The following GLIS3 variants were observed in gnomAD, a reference collection of about 807,000 sequenced individuals.
GLIS3 encodes GLIS family zinc finger 3, also known as zinc finger protein GLIS3.
GLIS3 carries 53 observed loss-of-function variants against 78.6 expected under a neutral mutation model. The ratio of observed to expected loss-of-function variants is 0.67; its 90% CI spans 0.54 to 0.85. The LOEUF (loss-of-function observed/expected upper bound fraction) is 0.85. Ranked by LOEUF, GLIS3 falls within the 40% of genes least tolerant of loss-of-function variation. GLIS3 has a pLI of 0.00. For synonymous variants in GLIS3, 684 were observed against 509.9 expected, an observed-to-expected ratio of 1.34 and a Z score of -4.60; for missense variants, 1,703 against 1,231.1, an observed-to-expected ratio of 1.38 and a Z score of -5.74.
At chr9:4,211,898 C>G (rs956557092) in intron 2 of GLIS3, among the ~76,000 whole-genome samples, 1 of 152,190 alleles carries the variant, frequency 6.6e-6, no homozygotes, top group African/African-American at 2.4e-5. Flanking sequence ...AAACATTTTT[C>G]TAAGTGAAAG....
At chr9:4,377,429 G>A in the GLIS3 span, among the ~76,000 whole-genome samples, 4 of 135,554 alleles carry the variant, frequency 3.0e-5, 1 homozygote, top group Admixed American at 3.0e-4. Context: ...GGGGCTCTCA[G>A]GCCTTTGGCC....
At chr9:3,883,520 C>T (rs1821874200) in intron 7 of GLIS3, among the ~76,000 whole-genome samples, 1 of 152,186 alleles carries the variant, frequency 6.6e-6, no homozygotes, top group African/African-American at 2.4e-5. Context: ...AACTTCCTTT[C>T]ATACACATTC....
At chr9:4,424,676 G>A in the GLIS3 span, among the ~76,000 whole-genome samples, 30 of 152,200 alleles carry the variant, frequency 2.0e-4, no homozygotes, top group South Asian at 1.0e-3. Context: ...GGATCCTCCC[G>A]CCTCAGCCTC....
At chr9:3,862,191 C>T (rs1285248658) in intron 8 of GLIS3, among the ~76,000 whole-genome samples, 1 of 152,074 alleles carries the variant, frequency 6.6e-6, no homozygotes, top group African/African-American at 2.4e-5. Context: ...TGCTTAAAGT[C>T]ACAAAGGTAA....
chr9:4,222,192 T>G (rs897819175), intron 2 of GLIS3, among the ~76,000 whole-genome samples: 13 of 152,354 alleles, frequency 8.5e-5, no homozygotes, highest in Admixed American at 6.5e-5. Flanking sequence ...CTAAGTGCTG[T>G]ACAGCTATAG....
intron 4 of GLIS3, among the ~76,000 whole-genome samples, chr9:4,105,634 A>G (rs973459666): frequency 2.6e-5 from 4 of 152,198 alleles, no homozygotes; most frequent in African/African-American, 9.6e-5. Context: ...TCTGTGGTCT[A>G]GTGACATTCA....
At chr9:4,033,864 T>TA (rs34745570) in intron 4 of GLIS3, among the ~76,000 whole-genome samples, 14,521 of 68,012 alleles carry the variant, frequency 0.21, 3,696 homozygotes, top group East Asian at 0.46. Context: ...AGGCGAAGGA[T>TA]AAAAAAAAAA....
intron 2 of GLIS3, among the ~76,000 whole-genome samples, chr9:4,239,860 C>T (rs1237017621): frequency 6.6e-6 from 1 of 152,202 alleles, no homozygotes; most frequent in African/African-American, 2.4e-5. Context: ...GGAGTGTTTG[C>T]AAATGGCACT....
chr9:4,255,684 A>T (rs1187805941), intron 2 of GLIS3, among the ~76,000 whole-genome samples: 1 of 152,180 alleles, frequency 6.6e-6, no homozygotes, highest in Non-Finnish European at 1.5e-5. Context: ...GAGTAAAAAG[A>T]TCAGTGGTTG....
intron 4 of GLIS3, among the ~76,000 whole-genome samples, chr9:3,969,675 G>A (rs1010496970): frequency 7.9e-5 from 12 of 152,140 alleles, no homozygotes; most frequent in African/African-American, 2.9e-4. Context: ...ACCAAATACA[G>A]CCACTGTGAA....
In GLIS3 at chr9:3,898,568, C is replaced by A. The variant is rs748517726; in HGVS notation, c.2128+123G>T. ...GAAGGGGTGGAGAGCAATTTGCAGC[C>A]CATTGATAAAGAACAACACAGACGA... On this transcript the variant is annotated intron_variant, in intron 7 of 10. Coordinates refer to ENST00000381971, the MANE Select transcript of GLIS3 (RefSeq NM_001042413.2). The A allele has an allele frequency of 1.6e-5, 17 of 1,093,726 alleles. 1 individual carries two copies. The South Asian group carries it at 2.2e-4, about 14-fold the overall frequency. The allele number at this position is 1,093,726 out of a possible 1,614,324, so 67.8% of individuals were successfully genotyped here.
chr9:3,855,914 C>A, intron 9 of GLIS3, 95 bp downstream of exon 9: 1 of 1,330,970 alleles, frequency 7.5e-7, no homozygotes, highest in South Asian at 1.2e-5. Flanking sequence ...TGGTGTAGAA[C>A]AGAGCATCTG....
Position 4,118,471 on chromosome 9 carries a change from G to C in GLIS3, c.1007C>G (p.Ala336Gly), listed in dbSNP as rs751070441. 1 of 1,613,952 alleles carries C rather than the reference G, an allele frequency of 6.2e-7. No individual in the cohort carries two copies. The highest frequency in any genetic ancestry group is 8.5e-7 in the Non-Finnish European group (1 of 1,180,026). ...CTGCGGGGACAGGTTGGCCGGCGAA[G>C]CCCTCGACCCGTTGATGTAGGCCAC... ...SLVAYINGSR[A>G]SPANLSPQPE... is the part of the protein sequence containing the mutation. Residue 336 changes from alanine (A) to glycine (G), a missense_variant, in exon 4 of 11, where the codon GCT (alanine) becomes GGT (glycine). By Grantham distance (60) the Ala-to-Gly change is moderately conservative (BLOSUM62 0). Transcript: ENST00000381971. This position sits in a 1 kb window ranked among gnomAD's most constrained non-coding sequence, Gnocchi z 4.7.
In GLIS3 at chr9:4,321,620, A is replaced by AT. The variant is rs1270449599; in HGVS notation, n.265-11093_265-11092insA. 2.5e-3 allele frequency among the ~76,000 whole-genome samples: 327 copies of AT among 128,812 alleles called. 2 individuals carry two copies. The highest frequency in any genetic ancestry group is 9.1e-3 in the African/African-American group (316 of 34,556). 84.5% of individuals were successfully genotyped at this position (128,812 alleles called of 152,430 possible). On this transcript the variant is annotated intron_variant and non_coding_transcript_variant, in intron 2 of 4. Transcript: ENST00000471664. The stretch of plus-strand genomic sequence containing the variant: ...CCCCAGTATCGAGAGCATTACCAAT[A>AT]ACTTACATGTCTCTTTGTGAACCTC...
chr9:3,939,037 G>A (rs1826053107), intron 4 of GLIS3, among the ~76,000 whole-genome samples: 1 of 152,170 alleles, frequency 6.6e-6, no homozygotes, highest in Non-Finnish European at 1.5e-5. Context: ...TAGGTCTGAA[G>A]TGAGCTTGTG....
In GLIS3 at chr9:3,905,845, T is replaced by C. The variant is rs374426593; in HGVS notation, c.1984-7010A>G. 3.8e-3 allele frequency among the ~76,000 whole-genome samples: 581 copies of C among 152,236 alleles called. 2 individuals carry two copies. Among genetic ancestry groups the C allele is most frequent in the Middle Eastern group, 0.014 (4 of 294 alleles). On this transcript the variant is annotated intron_variant, in intron 6 of 10. Transcript: ENST00000381971. ...CCTCTTCCCCATTCTTCCACTGTCA[T>C]TTTTTTGGTCCTCACTCCTTCCAGA...
At chr9:4,272,563 G>T (rs1177395163) in intron 2 of GLIS3, among the ~76,000 whole-genome samples, 1 of 152,058 alleles carries the variant, frequency 6.6e-6, no homozygotes, top group African/African-American at 2.4e-5. Flanking sequence ...AGGGTTATAG[G>T]GGATTAAATT....
chr9:3,967,504 A>G lies in GLIS3; in HGVS notation c.1711-30315T>C, dbSNP rs183755265. Among the ~76,000 whole-genome samples, 6 of 152,310 alleles carry G rather than the reference A, an allele frequency of 3.9e-5. No homozygotes were observed. The East Asian group carries it at 5.8e-4, about 15-fold the overall frequency. On this transcript the variant is annotated intron_variant, in intron 4 of 10. Transcript: ENST00000381971. The stretch of plus-strand genomic sequence containing the variant: ...GGCAATAGAGCGAGACTCCACCACA[A>G]AAAAAAGAAAAAGAAAGAAAAGAAA...
intron 4 of GLIS3, among the ~76,000 whole-genome samples, chr9:4,014,766 G>A (rs1265927767): frequency 6.6e-6 from 1 of 152,148 alleles, no homozygotes; most frequent in African/African-American, 2.4e-5. Context: ...AAATCACCTC[G>A]TCCAATGCCT....
Sources: gnomAD v4.1 joint callset for allele counts (sites outside exome capture counted in the v4.1 genomes callset) on GRCh38, gnomAD v4.1.1 for gene constraint, Gnocchi (gnomAD v3.1) non-coding constraint, MANE v1.5 for transcripts, NCBI Gene and HGNC (gene_info 2026-07-23, HGNC 2026-07-21) for gene names.